The following RANBP2 variants were observed in gnomAD, a reference collection of about 807,000 sequenced individuals.
RANBP2 encodes the protein RAN binding protein 2, also known as E3 SUMO-protein ligase RanBP2.
A neutral mutation model predicts 303.6 loss-of-function variants in RANBP2; 57 were observed. That is an observed-to-expected ratio of 0.19 (90% confidence interval 0.15 to 0.23). The LOEUF is 0.23. Among genes scored for constraint, RANBP2 ranks in the 10% least tolerant of loss-of-function variants. The pLI, the probability that RANBP2 is intolerant of heterozygous loss-of-function variation, is 1.00. For synonymous variants in RANBP2, 1,167 were observed against 1,301.5 expected, an observed-to-expected ratio of 0.90 and a Z score of 2.23; for missense variants, 3,138 against 3,780.8, an observed-to-expected ratio of 0.83 and a Z score of 4.46.
chr2:109,066,214 T>C, the RANBP2 span, among the ~76,000 whole-genome samples: 1 of 152,100 alleles, frequency 6.6e-6, no homozygotes, highest in African/African-American at 2.4e-5. Flanking sequence ...GTTCAAGCGA[T>C]TCTCCTGCCT....
At chr2:109,424,643 T>C in the RANBP2 span, among the ~76,000 whole-genome samples, 1 of 152,182 alleles carries the variant, frequency 6.6e-6, no homozygotes, top group Non-Finnish European at 1.5e-5. Context: ...TGATCAGTGA[T>C]TTTTGGCGTT....
chr2:108,896,977 G>A, the RANBP2 span: 1 of 1,613,806 alleles, frequency 6.2e-7, no homozygotes, highest in Non-Finnish European at 8.5e-7. Flanking sequence ...TGCACACAAG[G>A]ACTCCACAGC....
chr2:109,328,323 C>T, the RANBP2 span, among the ~76,000 whole-genome samples: 2 of 152,206 alleles, frequency 1.3e-5, no homozygotes, highest in Non-Finnish European at 2.9e-5. Flanking sequence ...AGTTCCTACT[C>T]TTTTCCACCT....
chr2:108,763,327 T>C lies in RANBP2; in HGVS notation c.2788T>C (p.Ser930Pro), dbSNP rs1676871574. 6.2e-7 allele frequency: 1 copy of C among 1,614,030 alleles called. No individual in the cohort carries two copies. Among genetic ancestry groups the C allele is most frequent in the Non-Finnish European group, 8.5e-7 (1 of 1,179,966 alleles). ...GCACACACCGCCAGTGCAAAGCTCA[T>C]CTGCTTGTATGTTCTCTCAGGAGAT... ...QMHTPPVQSS[S>P]ACMFSQEMYG... The change falls in exon 20 of 29, where the codon TCT (serine) becomes CCT (proline). Residue 930 changes from serine (S) to proline (P), a missense_variant. This residue lies in a region of RANBP2 where 403 missense variants were observed against 376.7 expected (regional missense o/e 1.07). Transcript: ENST00000283195.
the RANBP2 span, among the ~76,000 whole-genome samples, chr2:109,486,872 G>A: frequency 1.3e-4 from 20 of 152,260 alleles, no homozygotes; most frequent in South Asian, 1.7e-3. Context: ...TCTGTCTCCC[G>A]CCCAGGCCAG....
chr2:109,683,794 C>G, the RANBP2 span, among the ~76,000 whole-genome samples: 3 of 152,140 alleles, frequency 2.0e-5, no homozygotes, highest in East Asian at 5.8e-4. Context: ...TTGGGGGTCC[C>G]TTTTTGACAA....
the RANBP2 span, among the ~76,000 whole-genome samples, chr2:109,643,226 T>C: frequency 6.6e-6 from 1 of 151,214 alleles, no homozygotes; most frequent in Non-Finnish European, 1.5e-5. Flanking sequence ...CCAACTTGGC[T>C]AGAAAAGCAT....
At chr2:109,311,701 C>A in the RANBP2 span, among the ~76,000 whole-genome samples, 1 of 152,162 alleles carries the variant, frequency 6.6e-6, no homozygotes. Context: ...GACTGATGTA[C>A]CCTGGTGGTG....
At chr2:109,327,320 A>C in the RANBP2 span, among the ~76,000 whole-genome samples, 1 of 152,232 alleles carries the variant, frequency 6.6e-6, no homozygotes, top group African/African-American at 2.4e-5. Context: ...GCCGCTGGTA[A>C]ATCACATCAT....
chr2:108,751,875 G>A lies in RANBP2; in HGVS notation c.1636G>A (p.Gly546Arg), dbSNP rs1460706858. Residue 546 changes from glycine to arginine, a missense_variant, in exon 12 of 29, where the codon GGA (glycine) becomes AGA (arginine). By Grantham distance (125) the Gly-to-Arg change is moderately radical (BLOSUM62 -2). This residue lies in a region of RANBP2 where 162 missense variants were observed against 286.9 expected (regional missense o/e 0.56). Coordinates refer to ENST00000283195, the MANE Select transcript of RANBP2 (RefSeq NM_006267.5). ...GTAAATTGAACTATTTTTTAGACCTGGAAACGTAGCAAAATTGAGACTTCT... is the reference window on the plus strand; with the variant it reads ...GTAAATTGAACTATTTTTTAGACCTAGAAACGTAGCAAAATTGAGACTTCT... ...CTLIHRKAVP[G>R]NVAKLRLLVQ... The A allele has an allele frequency of 6.2e-7, 1 of 1,611,886 alleles. No individual in the cohort carries two copies. Among genetic ancestry groups the A allele is most frequent in the Non-Finnish European group, 8.5e-7 (1 of 1,179,856 alleles).
chr2:109,406,084 C>T, the RANBP2 span, among the ~76,000 whole-genome samples: 759 of 152,310 alleles, frequency 5.0e-3, 11 homozygotes, highest in African/African-American at 0.017. Context: ...GGCTGAGCCT[C>T]AGATGGCCCG....
At chr2:109,574,822 C>A in the RANBP2 span, 2 of 1,275,256 alleles carry the variant, frequency 1.6e-6, no homozygotes. Context: ...CTTAAGATAT[C>A]TGTGCAACTC....
At chr2:109,098,998 AG>A in the RANBP2 span, among the ~76,000 whole-genome samples, 1 of 152,226 alleles carries the variant, frequency 6.6e-6, no homozygotes, top group Non-Finnish European at 1.5e-5. Flanking sequence ...TTTCTCACAA[AG>A]GGTTGCAGCC....
chr2:108,897,475 A>G, the RANBP2 span, among the ~76,000 whole-genome samples: 1 of 152,144 alleles, frequency 6.6e-6, no homozygotes, highest in African/African-American at 2.4e-5. Flanking sequence ...CACTAGGAAA[A>G]TGACTGCTAT....
the RANBP2 span, among the ~76,000 whole-genome samples, chr2:108,979,461 T>TCTCC: frequency 7.1e-6 from 1 of 139,892 alleles, no homozygotes; most frequent in Non-Finnish European, 1.5e-5. Flanking sequence ...TCTGTCTCTC[T>TCTCC]CTCTCTCACA....
intron 4 of RANBP2, chr2:108,731,727 G>A (rs1181750399): frequency 1.6e-6 from 1 of 625,208 alleles, no homozygotes; most frequent in Non-Finnish European, 2.4e-6. Context: ...TTTAGTAGCT[G>A]TAAACTAAGT....
chr2:109,514,772 T>G, the RANBP2 span, among the ~76,000 whole-genome samples: 1 of 152,100 alleles, frequency 6.6e-6, no homozygotes, highest in African/African-American at 2.4e-5. Context: ...TGGTTCGAGG[T>G]CCACAGCTTG....
the RANBP2 span, among the ~76,000 whole-genome samples, chr2:109,604,510 G>A: frequency 8.4e-4 from 128 of 152,014 alleles, 1 homozygote; most frequent in Middle Eastern, 6.8e-3. Flanking sequence ...GTGGGATCAC[G>A]AGGTCAGGAG....
chr2:109,512,412 GC>G, the RANBP2 span, among the ~76,000 whole-genome samples: 1 of 152,064 alleles, frequency 6.6e-6, no homozygotes, highest in African/African-American at 2.4e-5. Context: ...CCACCCTCCT[GC>G]CCCCTCCTGA....
Sources: gnomAD v4.1 joint callset for allele counts (sites outside exome capture counted in the v4.1 genomes callset) on GRCh38, gnomAD v4.1.1 for gene constraint, gnomAD v4.1.1 regional missense constraint, MANE v1.5 for transcripts, NCBI Gene and HGNC (gene_info 2026-07-23, HGNC 2026-07-21) for gene names.